Variants in CDH13 observed in about 807,000 individuals in gnomAD.
CDH13 encodes the protein cadherin-13.
In CDH13, 24 loss-of-function variants were observed where a neutral mutation model predicts 63.8. That is an observed-to-expected ratio of 0.38 (90% CI 0.27 to 0.53). CDH13 has a LOEUF of 0.53. Among genes scored for constraint, CDH13 ranks in the 20% least tolerant of loss-of-function variants. CDH13 has a pLI of 0.85. For missense variants in CDH13, 1,049 were observed against 903.1 expected, an observed-to-expected ratio of 1.16 and a Z score of -2.07; for synonymous variants, 503 against 355.3, an observed-to-expected ratio of 1.42 and a Z score of -4.67.
intron 7 of CDH13, among the ~76,000 whole-genome samples, chr16:83,519,326 A>G (rs115949952): frequency 2.6e-5 from 4 of 152,312 alleles, no homozygotes; most frequent in African/African-American, 9.6e-5. Context: ...GAAAACTGCA[A>G]CATATGAACA....
chr16:83,747,659 G>A (rs1404796773), intron 10 of CDH13, among the ~76,000 whole-genome samples: 2 of 150,850 alleles, frequency 1.3e-5, no homozygotes, highest in African/African-American at 4.9e-5. Context: ...TCTGTGAGGT[G>A]CCCAATATTG....
At chr16:83,630,358 C>T (rs1910668771) in intron 8 of CDH13, among the ~76,000 whole-genome samples, 1 of 152,186 alleles carries the variant, frequency 6.6e-6, no homozygotes, top group Non-Finnish European at 1.5e-5. Flanking sequence ...AACGCAGCCT[C>T]AGGAGGTCCT....
intron 5 of CDH13, among the ~76,000 whole-genome samples, chr16:83,287,414 G>C (rs982255259): frequency 6.6e-6 from 1 of 152,206 alleles, no homozygotes; most frequent in South Asian, 2.1e-4. Context: ...AGCTTCATCT[G>C]TATTTACAGC....
At chr16:83,451,151 T>C (rs1431443193) in intron 6 of CDH13, among the ~76,000 whole-genome samples, 1 of 152,182 alleles carries the variant, frequency 6.6e-6, no homozygotes, top group Non-Finnish European at 1.5e-5. Context: ...TTTGTATTAC[T>C]CTGTTCTCAC....
chr16:83,364,164 C>T (rs1288143168), intron 6 of CDH13, among the ~76,000 whole-genome samples: 1 of 152,162 alleles, frequency 6.6e-6, no homozygotes, highest in Non-Finnish European at 1.5e-5. Flanking sequence ...AAGCATCCAT[C>T]TAGGTTCTTG....
rs146871150 is a variant in CDH13 at position 82,768,500 on chromosome 16, C to T, written c.46-89862C>T. ...TCATTTTATTGCCATTTTACTACCACAGCATGGTAGATTCCAGCTATTAAT... is the reference window on the plus strand; with the variant it reads ...TCATTTTATTGCCATTTTACTACCATAGCATGGTAGATTCCAGCTATTAAT... On this transcript the variant is annotated intron_variant, in intron 1 of 13. Coordinates refer to ENST00000567109, the MANE Select transcript of CDH13 (RefSeq NM_001257.5). 7.3e-4 allele frequency among the ~76,000 whole-genome samples: 111 copies of T among 152,318 alleles called. No homozygotes were observed. The East Asian group carries it at 0.021, about 29-fold the overall frequency.
At chr16:82,694,223 G>C (rs1436789008) in intron 1 of CDH13, among the ~76,000 whole-genome samples, 1 of 152,128 alleles carries the variant, frequency 6.6e-6, no homozygotes, top group East Asian at 1.9e-4. Flanking sequence ...AGTATCCATA[G>C]GAAATGGCTC....
intron 6 of CDH13, among the ~76,000 whole-genome samples, chr16:83,426,921 T>G (rs1320064659): frequency 1.0e-5 from 1 of 99,862 alleles, no homozygotes; most frequent in East Asian, 3.6e-4. Context: ...TTTTTTTTTT[T>G]TTTTTTTTTT....
At chr16:82,954,760 A>G (rs1905811835) in intron 2 of CDH13, 1 of 151,944 alleles carries the variant, frequency 6.6e-6, no homozygotes, top group East Asian at 1.9e-4. Flanking sequence ...GGAAAAAAAA[A>G]AAAACACTAT....
chr16:83,467,482 C>A (rs181075106), intron 6 of CDH13, among the ~76,000 whole-genome samples: 10,345 of 152,096 alleles, frequency 0.068, 392 homozygotes, highest in Middle Eastern at 0.12. Flanking sequence ...GGAGCTGGCG[C>A]CTTACAGCTC....
At chr16:83,523,945 G>A (rs958107630) in intron 7 of CDH13, among the ~76,000 whole-genome samples, 5 of 152,200 alleles carry the variant, frequency 3.3e-5, no homozygotes, top group Non-Finnish European at 7.3e-5. Context: ...AGCCCAGATG[G>A]AGAGCGTCCT....
chr16:82,759,602 A>G (rs2034752140), intron 1 of CDH13, among the ~76,000 whole-genome samples: 1 of 151,006 alleles, frequency 6.6e-6, no homozygotes, highest in East Asian at 1.9e-4. Flanking sequence ...ATATATATGT[A>G]TAATATAACA....
At chr16:83,246,488 T>G (rs151329573) in intron 5 of CDH13, among the ~76,000 whole-genome samples, 111 of 152,180 alleles carry the variant, frequency 7.3e-4, no homozygotes, top group Non-Finnish European at 1.4e-3. Flanking sequence ...ATCCTATCAT[T>G]GGCCTGGCAT....
chr16:83,484,253 T>A (rs1450273086), intron 6 of CDH13, among the ~76,000 whole-genome samples: 3 of 152,210 alleles, frequency 2.0e-5, no homozygotes, highest in Non-Finnish European at 4.4e-5. Flanking sequence ...TGGGTGGTGG[T>A]AAAACCAGAT....
chr16:83,451,940 C>A (rs2072898034), intron 6 of CDH13, among the ~76,000 whole-genome samples: 1 of 152,134 alleles, frequency 6.6e-6, no homozygotes, highest in Non-Finnish European at 1.5e-5. Context: ...GTGAATTGGA[C>A]CCAGCTCAGG....
intron 3 of CDH13, among the ~76,000 whole-genome samples, chr16:83,060,293 C>G (rs935622150): frequency 6.6e-6 from 1 of 152,188 alleles, no homozygotes; most frequent in East Asian, 1.9e-4. Context: ...CCCAGAGAGT[C>G]AGTCCAGCTG....
chr16:83,098,997 C>G (rs1007320820), intron 3 of CDH13, among the ~76,000 whole-genome samples: 3 of 152,032 alleles, frequency 2.0e-5, no homozygotes, highest in African/African-American at 7.2e-5. Context: ...AAAATAATAG[C>G]TAACACTTGA....
chr16:83,687,450 G>T (rs1598480328), intron 10 of CDH13, among the ~76,000 whole-genome samples: 1 of 152,050 alleles, frequency 6.6e-6, no homozygotes, highest in East Asian at 1.9e-4. Context: ...GGGCCGAGGT[G>T]CTACACACTT....
chr16:83,657,040 A>G lies in CDH13; in HGVS notation c.1102-13750A>G, dbSNP rs556331769. Among the ~76,000 whole-genome samples the G allele has an allele frequency of 7.2e-5, 11 of 152,338 alleles. No individual in the cohort carries two copies. In the South Asian group the frequency reaches 2.3e-3, roughly 32 times the overall value. On this transcript the variant is annotated intron_variant, in intron 8 of 13. Transcript: ENST00000567109. ...CAGGTACAGTAAACTCAGGGCACTC[A>G]GTTGGGCTTCACTCTTCCATATTCT...
Sources: gnomAD v4.1 joint callset for allele counts (sites outside exome capture counted in the v4.1 genomes callset) on GRCh38, gnomAD v4.1.1 for gene constraint, MANE v1.5 for transcripts, NCBI Gene and HGNC (gene_info 2026-07-23, HGNC 2026-07-21) for gene names.